UGGT2: variants seen among roughly 807,000 people sequenced by gnomAD.
UGGT2 encodes UDP-glucose glycoprotein glucosyltransferase 2.
Under a neutral mutation model 192.1 loss-of-function variants are expected in UGGT2, and 180 were observed. That is an observed-to-expected ratio of 0.94 (90% confidence interval 0.83 to 1.06). UGGT2 has a LOEUF of 1.06. Ranked by LOEUF, UGGT2 falls within the 50% of genes least tolerant of loss-of-function variation. UGGT2 has a pLI of 0.00. For missense variants in UGGT2, 1,849 were observed against 1,795.7 expected (o/e 1.03, Z -0.54); for synonymous variants, 580 against 591.0 (o/e 0.98, Z 0.27).
intron 22 of UGGT2, among the ~76,000 whole-genome samples, chr13:95,897,560 G>T (rs1408241748): frequency 6.6e-6 from 1 of 151,970 alleles, no homozygotes; most frequent in Non-Finnish European, 1.5e-5. Flanking sequence ...ATTTGAACAG[G>T]CTCAGAATGA....
At chr13:95,836,291 C>G (rs746858733) in intron 37 of UGGT2, among the ~76,000 whole-genome samples, 2 of 152,176 alleles carry the variant, frequency 1.3e-5, no homozygotes, top group Non-Finnish European at 2.9e-5. Context: ...CTGAGGTGAT[C>G]CACCTGCCTC....
At chr13:96,008,352 T>C (rs2052047451) in intron 5 of UGGT2, among the ~76,000 whole-genome samples, 1 of 152,094 alleles carries the variant, frequency 6.6e-6, no homozygotes, top group Non-Finnish European at 1.5e-5. Flanking sequence ...ACCACTCCTA[T>C]TCAACATAGT....
intron 15 of UGGT2, among the ~76,000 whole-genome samples, chr13:95,942,221 G>GGTGTGTGTGTGTGTGTGTGT (rs370041064): frequency 3.4e-5 from 4 of 117,990 alleles, no homozygotes; most frequent in African/African-American, 6.4e-5. Context: ...TTAGGGTGAG[G>GGTGTGTGTGTGTGTGTGTGT]GTGTGTGTGT....
intron 15 of UGGT2, among the ~76,000 whole-genome samples, chr13:95,940,757 A>AT (rs1012108176): frequency 2.7e-5 from 4 of 150,808 alleles, no homozygotes; most frequent in East Asian, 1.9e-4. Context: ...ATCTGGATAA[A>AT]TTTTTTTGTA....
intron 7 of UGGT2, among the ~76,000 whole-genome samples, chr13:95,995,063 C>T (rs1174745909): frequency 1.3e-5 from 2 of 151,846 alleles, no homozygotes; most frequent in African/African-American, 4.8e-5. Flanking sequence ...ACAGTTGTAT[C>T]TAATGAAAAA....
intron 37 of UGGT2, 49 bp downstream of exon 37, chr13:95,837,037 T>C: frequency 7.4e-7 from 1 of 1,348,884 alleles, no homozygotes; most frequent in Admixed American, 1.7e-5. Flanking sequence ...TATTTCTATT[T>C]AAACATTTCT....
chr13:95,861,469 AC>A (rs1290168712), intron 31 of UGGT2, among the ~76,000 whole-genome samples: 2 of 152,106 alleles, frequency 1.3e-5, no homozygotes, highest in African/African-American at 4.8e-5. Flanking sequence ...ATGTCTACTT[AC>A]TGGTTTACAT....
At chr13:95,948,278 A>G (rs1256958349) in intron 13 of UGGT2, among the ~76,000 whole-genome samples, 197 bp from the exon 14 acceptor site, 1 of 151,556 alleles carries the variant, frequency 6.6e-6, no homozygotes, top group Non-Finnish European at 1.5e-5. Context: ...CAATTTATGA[A>G]GGATTTCTAA....
intron 29 of UGGT2, among the ~76,000 whole-genome samples, chr13:95,871,090 TGTG>T (rs1891176807): frequency 6.6e-6 from 1 of 152,114 alleles, no homozygotes; most frequent in Non-Finnish European, 1.5e-5. Flanking sequence ...AAAAAATGAA[TGTG>T]AAAATTAAAA....
At chr13:95,998,901 T>C (rs1220522103) in intron 6 of UGGT2, among the ~76,000 whole-genome samples, 1 of 152,156 alleles carries the variant, frequency 6.6e-6, no homozygotes, top group East Asian at 1.9e-4. Flanking sequence ...ATCAGCCTCA[T>C]CTATTGCCAC....
At chr13:95,938,186 A>T (rs1335553050) in intron 16 of UGGT2, among the ~76,000 whole-genome samples, 1 of 152,192 alleles carries the variant, frequency 6.6e-6, no homozygotes, top group African/African-American at 2.4e-5. Flanking sequence ...AGTCTCAGGT[A>T]TGTCTTTATC....
At chr13:95,836,093 G>T (rs1280919426) in intron 37 of UGGT2, among the ~76,000 whole-genome samples, 1 of 152,058 alleles carries the variant, frequency 6.6e-6, no homozygotes, top group Non-Finnish European at 1.5e-5. Context: ...CTTGTCTCCA[G>T]GCTGGAGTGT....
chr13:95,940,118 A>C, intron 15 of UGGT2, 27 bp from the exon 16 acceptor site: 2 of 1,400,814 alleles, frequency 1.4e-6, no homozygotes, highest in Non-Finnish European at 1.9e-6. Context: ...ATTATAATTA[A>C]TTTTCTTCTT....
chr13:96,045,194 T>A (rs1419446450), intron 1 of UGGT2, among the ~76,000 whole-genome samples: 1 of 152,124 alleles, frequency 6.6e-6, no homozygotes, highest in African/African-American at 2.4e-5. Context: ...GGCAAGTCAA[T>A]AAATGTGATA....
At chr13:95,987,317 A>T (rs1393041109) in intron 8 of UGGT2, among the ~76,000 whole-genome samples, 1 of 152,074 alleles carries the variant, frequency 6.6e-6, no homozygotes, top group Non-Finnish European at 1.5e-5. Context: ...GCCTTCTATC[A>T]CTATTTCAGT....
intron 5 of UGGT2, 83 bp from the exon 6 acceptor site, chr13:95,999,390 G>T: frequency 8.0e-7 from 1 of 1,248,314 alleles, no homozygotes; most frequent in Non-Finnish European, 1.2e-6. Flanking sequence ...GATGTATTTG[G>T]ACATAAGGGT....
intron 33 of UGGT2, among the ~76,000 whole-genome samples, chr13:95,857,424 C>T (rs1333589495): frequency 1.3e-5 from 2 of 151,924 alleles, no homozygotes; most frequent in African/African-American, 4.8e-5. Flanking sequence ...CTATTATCTA[C>T]AGAAAAAAGT....
At chr13:95,902,254 TC>T (rs1411811951) in intron 21 of UGGT2, among the ~76,000 whole-genome samples, 1 of 152,162 alleles carries the variant, frequency 6.6e-6, no homozygotes, top group Non-Finnish European at 1.5e-5. Context: ...AGTAAAATAT[TC>T]AACATTTCCT....
intron 34 of UGGT2, among the ~76,000 whole-genome samples, chr13:95,855,163 T>C (rs1249552079): frequency 2.1e-5 from 3 of 143,646 alleles, no homozygotes; most frequent in Non-Finnish European, 4.5e-5. Flanking sequence ...GGTGTGCACC[T>C]GGAGTTCCAG....
Sources: gnomAD v4.1 joint callset for allele counts (sites outside exome capture counted in the v4.1 genomes callset) on GRCh38, gnomAD v4.1.1 for gene constraint, MANE v1.5 for transcripts, NCBI Gene and HGNC (gene_info 2026-07-23, HGNC 2026-07-21) for gene names.